The following MTMR10 variants were observed in gnomAD, a reference collection of about 807,000 sequenced individuals.
The protein encoded by MTMR10 is myotubularin related protein 10.
MTMR10 carries 56 observed loss-of-function variants against 88.1 expected under a neutral mutation model. That is an observed-to-expected ratio of 0.64 (90% CI 0.51 to 0.79). The LOEUF is 0.79. Ranked by LOEUF, MTMR10 falls within the 30% of genes least tolerant of loss-of-function variation. The probability of loss-of-function intolerance (pLI) is 0.00; values close to 1 mark genes in which losing one functional copy is unlikely to be tolerated. For missense variants in MTMR10, 883 were observed against 924.7 expected (o/e 0.95, Z 0.58); for synonymous variants, 380 against 340.9 (o/e 1.11, Z -1.26).
chr15:30,950,042 C>T (rs1029104849), intron 12 of MTMR10: 2 of 100,430 alleles, frequency 2.0e-5, no homozygotes, highest in Non-Finnish European at 4.2e-5. Flanking sequence ...GGGTGAATTC[C>T]ATAGTATGTA....
chr15:30,964,247 T>C (rs1409252563), intron 6 of MTMR10, among the ~76,000 whole-genome samples: 3 of 152,248 alleles, frequency 2.0e-5, no homozygotes, highest in Non-Finnish European at 4.4e-5. Flanking sequence ...TTAACAGTTA[T>C]GTAAAACAGT....
chr15:30,922,907 T>G, the MTMR10 span, among the ~76,000 whole-genome samples: 1 of 152,214 alleles, frequency 6.6e-6, no homozygotes, highest in Admixed American at 6.5e-5. Flanking sequence ...TAGGGGCACT[T>G]GGAAGCACAG....
the MTMR10 span, chr15:30,926,934 A>T: frequency 1.0e-6 from 1 of 985,056 alleles, no homozygotes; most frequent in African/African-American, 1.8e-5. Flanking sequence ...AGCGATCTCA[A>T]CCTCTTCTGG....
downstream of MTMR10, among the ~76,000 whole-genome samples, chr15:30,935,262 C>T (rs929122625): frequency 6.6e-6 from 1 of 151,626 alleles, no homozygotes; most frequent in Non-Finnish European, 1.5e-5. Context: ...GTGCTGAGAT[C>T]ATACCACTGT....
In MTMR10 at chr15:30,940,407, A is replaced by AT. The variant is rs1314862494; in HGVS notation, c.*1062dup. The AT allele has an allele frequency of 3.7e-5, 36 of 985,254 alleles. No individual in the cohort carries two copies. The highest frequency in any genetic ancestry group is 4.3e-5 in the Non-Finnish European group (36 of 829,924). The allele number at this position is 985,254 out of a possible 1,614,324, so 61.0% of individuals were successfully genotyped here. Reference sequence around the variant, plus strand: ...AAATGGCAGTGTTTTGAGAGAATCCATTTTTTTATTTCTCCTCTATTCCTA... The same window carrying AT: ...AAATGGCAGTGTTTTGAGAGAATCCATTTTTTTTATTTCTCCTCTATTCCTA... On this transcript the variant is annotated 3_prime_UTR_variant, in exon 16 of 16. Transcript: ENST00000435680.
the MTMR10 span, chr15:30,920,457 G>C: frequency 1.2e-6 from 1 of 846,912 alleles, no homozygotes; most frequent in Non-Finnish European, 2.0e-6. Context: ...TTAAAAGATA[G>C]GAATTCAGTC....
chr15:30,942,863 C>G, intron 15 of MTMR10, 27 bp downstream of exon 15: 1 of 1,541,740 alleles, frequency 6.5e-7, no homozygotes, highest in Non-Finnish European at 8.8e-7. Context: ...TGTGAGCCAA[C>G]ATCACGTTTT....
downstream of MTMR10, among the ~76,000 whole-genome samples, chr15:30,935,379 T>C (rs976150421): frequency 1.3e-5 from 2 of 152,118 alleles, no homozygotes; most frequent in African/African-American, 4.8e-5. Context: ...ATTACAGTAG[T>C]TAGCCCTCTG....
At chr15:30,952,953 C>A (rs2063271028) in intron 11 of MTMR10, among the ~76,000 whole-genome samples, 1 of 152,124 alleles carries the variant, frequency 6.6e-6, no homozygotes, top group Non-Finnish European at 1.5e-5. Context: ...CCATGCTTGG[C>A]TAATTTTTGT....
At chr15:30,942,234 C>A (rs1005431609) in intron 15 of MTMR10, 162 bp from the exon 16 acceptor site, 2 of 887,018 alleles carry the variant, frequency 2.3e-6, no homozygotes, top group Admixed American at 5.3e-5. Flanking sequence ...ATCCTCCTCC[C>A]CTGGAATTAC....
In MTMR10 at chr15:30,953,838, ATCT is replaced by A. The variant is rs1362398698; in HGVS notation, c.1067-210_1067-208del. Among the ~76,000 whole-genome samples the A allele has an allele frequency of 2.6e-5, 4 of 152,218 alleles. No homozygotes were observed. In the East Asian group the frequency reaches 5.8e-4, roughly 22 times the overall value. On this transcript the variant is annotated intron_variant, in intron 10 of 15. Transcript: ENST00000435680. ...CAAAGCATTCCCCTGGGGCTCCATC[ATCT>A]TCTCTCTCGCTCTTTCAGGGAAATC...
the MTMR10 span, among the ~76,000 whole-genome samples, chr15:30,929,556 ATAT>A: frequency 2.8e-4 from 29 of 104,358 alleles, no homozygotes; most frequent in Non-Finnish European, 3.8e-4. Flanking sequence ...TATAAAATAT[ATAT>A]TATATCTTTA....
rs1595895470 is a variant in MTMR10, at chr15:30,939,047, C to CTTT, written c.*2422_*2423insAAA. The CTTT allele has an allele frequency of 1.0e-6, 1 of 985,386 alleles. No homozygotes were observed. Among genetic ancestry groups the CTTT allele is most frequent in the African/African-American group, 1.7e-5 (1 of 57,356 alleles). The allele number at this position is 985,386 out of a possible 1,614,324, so 61.0% of individuals were successfully genotyped here. On this transcript the variant is annotated 3_prime_UTR_variant, in exon 16 of 16. Coordinates refer to ENST00000435680, the MANE Select transcript of MTMR10 (RefSeq NM_017762.3). ...TTGCTCATCCCACTTGAACTCAAGTCATCAATTTTAGGCACAAAGGTTTTA... is the reference window on the plus strand; with the variant it reads ...TTGCTCATCCCACTTGAACTCAAGTCTTTATCAATTTTAGGCACAAAGGTTTTA...
chr15:30,953,458 GAAGA>G, intron 11 of MTMR10, 100 bp downstream of exon 11: 1 of 819,868 alleles, frequency 1.2e-6, no homozygotes. Flanking sequence ...GAAGTTGGAT[GAAGA>G]GTAAGTACAT....
At chr15:30,928,104 G>A in the MTMR10 span, 3 of 998,794 alleles carry the variant, frequency 3.0e-6, no homozygotes, top group African/African-American at 3.5e-5. Context: ...GCCGGCCTCC[G>A]GGAGGTCCCC....
At chr15:30,957,772 A>C (rs1158160990) in intron 9 of MTMR10, among the ~76,000 whole-genome samples, 4 of 152,224 alleles carry the variant, frequency 2.6e-5, no homozygotes, top group African/African-American at 9.6e-5. Flanking sequence ...AGTGCAAAGA[A>C]GGCAGTCCAG....
intron 14 of MTMR10, chr15:30,943,659 A>AC: frequency 2.0e-6 from 2 of 985,280 alleles, no homozygotes; most frequent in Non-Finnish European, 2.4e-6. Context: ...TACACAGGAG[A>AC]CCCCTCCTTC....
chr15:30,930,644 G>A, the MTMR10 span: 2 of 1,613,132 alleles, frequency 1.2e-6, no homozygotes, highest in Non-Finnish European at 8.5e-7. Context: ...ACCTGGTGGT[G>A]TGGAACTCCC....
the MTMR10 span, chr15:30,925,979 G>C: frequency 1.2e-6 from 2 of 1,607,766 alleles, no homozygotes; most frequent in Non-Finnish European, 1.7e-6. Context: ...CCAGCCCCGG[G>C]TGGACGAGCA....
Sources: allele counts gnomAD v4.1 joint callset (sites outside exome capture counted in the v4.1 genomes callset), GRCh38; gene constraint gnomAD v4.1.1; transcripts MANE v1.5; gene names NCBI Gene and HGNC (gene_info 2026-07-23, HGNC 2026-07-21).